CNTN3: variants seen among roughly 807,000 people sequenced by gnomAD.
The protein encoded by CNTN3 is contactin 3.
CNTN3 carries 60 observed loss-of-function variants against 119.1 expected under a neutral mutation model. The observed-to-expected ratio is 0.50, with a 90% CI of 0.41 to 0.62. CNTN3 has a LOEUF of 0.62. CNTN3 is among the 20% of genes least tolerant of loss of function. CNTN3 has a pLI of 0.00. For missense variants in CNTN3, 1,101 were observed against 1,242.4 expected, an observed-to-expected ratio of 0.89 and a Z score of 1.71; for synonymous variants, 450 against 438.7, an observed-to-expected ratio of 1.03 and a Z score of -0.32.
chr3:74,281,899 G>A (rs1228063077), intron 20 of CNTN3, among the ~76,000 whole-genome samples: 2 of 152,164 alleles, frequency 1.3e-5, no homozygotes, highest in Non-Finnish European at 2.9e-5. Flanking sequence ...TGAGTGTCTG[G>A]ATCCATTCAT....
intron 16 of CNTN3, 34 bp from the exon 17 acceptor site, chr3:74,299,972 A>G (rs370744156): frequency 1.8e-5 from 24 of 1,346,816 alleles, no homozygotes; most frequent in Non-Finnish European, 2.2e-5. Flanking sequence ...ATGAAATGGT[A>G]CTTGCATTTA....
intron 1 of CNTN3, among the ~76,000 whole-genome samples, chr3:74,564,566 A>T (rs1704199872): frequency 6.6e-6 from 1 of 150,764 alleles, no homozygotes; most frequent in Non-Finnish European, 1.5e-5. Flanking sequence ...ACCAACACTT[A>T]TGAAGGATCT....
intron 13 of CNTN3, 128 bp from the exon 14 acceptor site, chr3:74,302,935 AAG>A: frequency 1.7e-6 from 1 of 572,766 alleles, no homozygotes; most frequent in Non-Finnish European, 3.1e-6. Flanking sequence ...AAGGTGGTAT[AAG>A]AGAGTAGATT....
At chr3:74,548,157 A>G (rs6763044) in intron 1 of CNTN3, among the ~76,000 whole-genome samples, 150,650 of 152,262 alleles carry the variant, frequency 0.99, 74,538 homozygotes, top group Middle Eastern at 1. Flanking sequence ...CTATTTTTAT[A>G]ACAAATCAGA....
intron 13 of CNTN3, among the ~76,000 whole-genome samples, chr3:74,305,705 T>C (rs1187034381): frequency 1.3e-5 from 2 of 151,040 alleles, no homozygotes; most frequent in Non-Finnish European, 1.5e-5. Context: ...TTTGGAGGTA[T>C]GGTAGTTTTG....
chr3:74,402,945 G>C (rs1559584071), intron 5 of CNTN3, among the ~76,000 whole-genome samples: 1 of 152,132 alleles, frequency 6.6e-6, no homozygotes. Context: ...TCTGAGTTCT[G>C]GGAGGAGCAA....
At chr3:74,428,797 C>T (rs937187257) in intron 4 of CNTN3, among the ~76,000 whole-genome samples, 3 of 152,134 alleles carry the variant, frequency 2.0e-5, no homozygotes, top group East Asian at 1.9e-4. Context: ...CCTCCAGTCC[C>T]GCAAGCTCCA....
chr3:74,344,230 A>G (rs1425171556), intron 11 of CNTN3, among the ~76,000 whole-genome samples: 1 of 152,122 alleles, frequency 6.6e-6, no homozygotes, highest in African/African-American at 2.4e-5. Context: ...CTATGTAGAG[A>G]GGACAAGGTT....
chr3:74,573,817 T>C (rs567015948), intron 1 of CNTN3, among the ~76,000 whole-genome samples: 6 of 149,020 alleles, frequency 4.0e-5, no homozygotes, highest in East Asian at 2.0e-4. Flanking sequence ...GGCGGAGAAA[T>C]TGGAACACTC....
intron 11 of CNTN3, among the ~76,000 whole-genome samples, chr3:74,354,494 G>C (rs1421295174): frequency 6.6e-6 from 1 of 151,988 alleles, no homozygotes; most frequent in Non-Finnish European, 1.5e-5. Flanking sequence ...TTCCTTAAAA[G>C]AGACAAAACA....
chr3:74,369,877 T>C lies in CNTN3; in HGVS notation c.761+12A>G. 6.7e-7 allele frequency: 1 copy of C among 1,485,734 alleles called. No homozygotes were observed. The highest frequency in any genetic ancestry group is 1.4e-5 in the African/African-American group (1 of 71,690). 92.0% of individuals were successfully genotyped at this position (1,485,734 alleles called of 1,614,324 possible). A position where few individuals can be genotyped will look rare whatever the true frequency, so the allele number is the denominator to read the frequency against. ...TATTTCAGCACATAGGAGTAAATGT[T>C]ATAAAACTTACTTTCCAAGGGCAAA... On this transcript the variant is annotated intron_variant, in intron 7 of 22. Coordinates refer to ENST00000263665, the MANE Select transcript of CNTN3 (RefSeq NM_020872.3).
rs111956703 is a variant in CNTN3 at position 74,583,250 on chromosome 3, G to T, written c.-81+31141C>A. Among the ~76,000 whole-genome samples, 570 of 152,084 alleles carry T rather than the reference G, an allele frequency of 3.7e-3. 5 individuals are homozygous for T. Among genetic ancestry groups the T allele is most frequent in the African/African-American group, 0.012 (491 of 41,478 alleles). ...GATCGCAGGTTAGATGCCAAATAAAGAAACACACAAGCTAAGTAAACATAA... is the reference window on the plus strand; with the variant it reads ...GATCGCAGGTTAGATGCCAAATAAATAAACACACAAGCTAAGTAAACATAA... On this transcript the variant is annotated intron_variant, in intron 1 of 22. Transcript: ENST00000263665.
chr3:74,557,072 C>T (rs9814354), intron 1 of CNTN3, among the ~76,000 whole-genome samples: 139,550 of 152,192 alleles, frequency 0.92, 64,015 homozygotes, highest in East Asian at 0.93. Flanking sequence ...TATTTCATCC[C>T]ATTATGTGGA....
intron 5 of CNTN3, among the ~76,000 whole-genome samples, chr3:74,414,877 CTT>C (rs71129747): frequency 2.5e-4 from 29 of 117,114 alleles, no homozygotes; most frequent in African/African-American, 3.8e-4. Context: ...TTCCTATAGT[CTT>C]TTTTTTTTTT....
At chr3:74,588,276 T>C (rs1223937135) in intron 1 of CNTN3, among the ~76,000 whole-genome samples, 1 of 152,074 alleles carries the variant, frequency 6.6e-6, no homozygotes, top group African/African-American at 2.4e-5. Flanking sequence ...TAAAAATCAA[T>C]GTACAAAAAT....
intron 20 of CNTN3, among the ~76,000 whole-genome samples, chr3:74,278,618 G>C (rs947359803): frequency 6.6e-6 from 1 of 152,108 alleles, no homozygotes; most frequent in South Asian, 2.1e-4. Context: ...CAAGATGGAT[G>C]AAGGACTTAA....
chr3:74,488,130 G>A (rs1332400031), intron 3 of CNTN3, among the ~76,000 whole-genome samples: 1 of 149,408 alleles, frequency 6.7e-6, no homozygotes, highest in Non-Finnish European at 1.5e-5. Flanking sequence ...TTTTTTGTTT[G>A]AGACAGAGTC....
intron 20 of CNTN3, among the ~76,000 whole-genome samples, chr3:74,278,247 A>T (rs919681136): frequency 1.3e-5 from 2 of 152,132 alleles, no homozygotes; most frequent in African/African-American, 4.8e-5. Flanking sequence ...TATTCTTCAA[A>T]GGATTATAAA....
intron 8 of CNTN3, among the ~76,000 whole-genome samples, chr3:74,366,780 G>GTGTGTATATATATATATATATA (rs1447686332): frequency 8.8e-4 from 56 of 63,692 alleles, no homozygotes; most frequent in East Asian, 1.6e-3. Context: ...GTGTGTGTGT[G>GTGTGTATATATATATATATATA]TATATATATA....
Sources: allele counts gnomAD v4.1 joint callset (sites outside exome capture counted in the v4.1 genomes callset), GRCh38; gene constraint gnomAD v4.1.1; transcripts MANE v1.5; gene names NCBI Gene and HGNC (gene_info 2026-07-23, HGNC 2026-07-21).